Variants in NIPSNAP3A observed in about 807,000 individuals in gnomAD.
NIPSNAP3A encodes the protein nipsnap homolog 3A.
Under a neutral mutation model 32.3 loss-of-function variants are expected in NIPSNAP3A, and 27 were observed. The observed-to-expected ratio is 0.84, with a 90% CI of 0.62 to 1.15. The LOEUF is 1.15. NIPSNAP3A is among the 50% of genes most tolerant of loss of function. The pLI, the probability that NIPSNAP3A is intolerant of heterozygous loss-of-function variation, is 0.00. For synonymous variants in NIPSNAP3A, 108 were observed against 107.3 expected (o/e 1.01, Z -0.04); for missense variants, 278 against 297.2 (o/e 0.94, Z 0.48).
chr9:104,748,138 A>G (rs1474046281), intron 1 of NIPSNAP3A, among the ~76,000 whole-genome samples: 1 of 151,974 alleles, frequency 6.6e-6, no homozygotes, highest in South Asian at 2.1e-4. Context: ...CCACCGGGAC[A>G]CTCCCATGGC....
chr9:104,755,034 G>A (rs1425147653), intron 4 of NIPSNAP3A, among the ~76,000 whole-genome samples: 2 of 152,090 alleles, frequency 1.3e-5, no homozygotes, highest in African/African-American at 4.8e-5. Flanking sequence ...GAGGTCAGGA[G>A]TTCGAGACCA....
rs1827944114 is a variant in NIPSNAP3A at position 104,759,229 on chromosome 9, C to T, written c.668-33C>T. The T allele has an allele frequency of 5.6e-6, 9 of 1,613,986 alleles. No individual in the cohort carries two copies. In the East Asian group the frequency reaches 1.8e-4, roughly 32 times the overall value. On this transcript the variant is annotated intron_variant, in intron 5 of 5. Coordinates refer to ENST00000374767, the MANE Select transcript of NIPSNAP3A (RefSeq NM_015469.3). ...AGAACAAATGTGTTTCAGTCAGTAACTCTATATGCCTTTCTATGAAATGTT... is the reference window on the plus strand; with the variant it reads ...AGAACAAATGTGTTTCAGTCAGTAATTCTATATGCCTTTCTATGAAATGTT...
chr9:104,757,937 C>A (rs1023465340), intron 4 of NIPSNAP3A, among the ~76,000 whole-genome samples: 4 of 151,540 alleles, frequency 2.6e-5, no homozygotes, highest in African/African-American at 4.8e-5. Context: ...CATATATACA[C>A]AAATATAGAA....
intron 1 of NIPSNAP3A, among the ~76,000 whole-genome samples, chr9:104,748,560 G>A (rs1827806735): frequency 6.6e-6 from 1 of 152,124 alleles, no homozygotes; most frequent in Non-Finnish European, 1.5e-5. Context: ...CCTAACTTTC[G>A]GGAGTGGCCT....
At chr9:104,749,115 C>T (rs1827815960) in intron 1 of NIPSNAP3A, among the ~76,000 whole-genome samples, 1 of 152,158 alleles carries the variant, frequency 6.6e-6, no homozygotes, top group South Asian at 2.1e-4. Flanking sequence ...ACTATTTTAT[C>T]CTCCAAATAC....
chr9:104,750,842 A>G lies in NIPSNAP3A; in HGVS notation c.61-114A>G. On this transcript the variant is annotated intron_variant, in intron 1 of 5. Transcript: ENST00000374767. ...TATTGAGAATTGACAACAGAAGTAC[A>G]AACATGAGTAATGAGTCTATGAGTG... 8 of 841,542 alleles carry G rather than the reference A, an allele frequency of 9.5e-6. No individual in the cohort carries two copies. In the South Asian group the frequency reaches 9.7e-5, roughly 10 times the overall value. 52.1% of individuals were successfully genotyped at this position (841,542 alleles called of 1,614,324 possible). A position where few individuals can be genotyped will look rare whatever the true frequency, so the allele number is the denominator to read the frequency against.
At position 104,754,591 on chromosome 9, in the gene NIPSNAP3A, G is replaced by C. The variant is rs745840553; in HGVS notation, c.471G>C (p.Gly157=). ...ELATFQMKPG[G]PALWGDAFKR... ...CCACTTTTCAGATGAAACCTGGTGGGCCAGCTCTGTGGGGTGATGCATTTA... is the reference window on the plus strand; with the variant it reads ...CCACTTTTCAGATGAAACCTGGTGGCCCAGCTCTGTGGGGTGATGCATTTA... Residue 157 remains glycine, a synonymous_variant, in exon 4 of 6, where the codon GGG becomes GGC. Coordinates refer to ENST00000374767, the MANE Select transcript of NIPSNAP3A (RefSeq NM_015469.3). 6 of 1,614,070 alleles carry C rather than the reference G, an allele frequency of 3.7e-6. No individual in the cohort carries two copies. Among genetic ancestry groups the C allele is most frequent in the Non-Finnish European group, 5.1e-6 (6 of 1,179,980 alleles).
At chr9:104,756,100 A>T (rs1447841597) in intron 4 of NIPSNAP3A, among the ~76,000 whole-genome samples, 2 of 152,224 alleles carry the variant, frequency 1.3e-5, no homozygotes, top group Non-Finnish European at 2.9e-5. Context: ...TATCATAAGA[A>T]AATAGAATAT....
Position 104,753,005 on chromosome 9 carries a change from A to G in NIPSNAP3A, c.371A>G (p.Gln124Arg), listed in dbSNP as rs1392073711. The G allele has an allele frequency of 3.1e-6, 5 of 1,610,712 alleles. No individual in the cohort carries two copies. Among genetic ancestry groups the G allele is most frequent in the Non-Finnish European group, 4.2e-6 (5 of 1,177,168 alleles). ...CCAAATTTGGCTCTCATTGATAAAC[A>G]AGAGAGTGAGATTACTTATCTGGTA... is the stretch of plus-strand genomic sequence containing the variant. ...LIPNLALIDK[Q>R]ESEITYLVPW... The change falls in exon 3 of 6, where the codon CAA becomes CGA. Residue 124 changes from glutamine (Q) to arginine (R), a missense_variant. By Grantham distance (43) the Gln-to-Arg change is conservative (BLOSUM62 1). Transcript: ENST00000374767.
In NIPSNAP3A at chr9:104,759,668, T is replaced by C. The variant is rs1226121339; in HGVS notation, c.*330T>C. The C allele has an allele frequency of 4.5e-6, 1 of 223,580 alleles. No homozygotes were observed. The highest frequency in any genetic ancestry group is 2.3e-5 in the African/African-American group (1 of 43,596). The allele number at this position is 223,580 out of a possible 1,614,324, so 13.8% of individuals were successfully genotyped here. ...TTTATAGCATTTTGTTGTATTCAAA[T>C]GATAATGGTAGCATTTCCATGCTTG... On this transcript the variant is annotated 3_prime_UTR_variant, in exon 6 of 6. Coordinates refer to ENST00000374767, the MANE Select transcript of NIPSNAP3A (RefSeq NM_015469.3).
In NIPSNAP3A at chr9:104,752,973, C is replaced by A. The variant is rs754638247; in HGVS notation, c.339C>A (p.Phe113Leu). The A allele has an allele frequency of 6.2e-7, 1 of 1,612,944 alleles. No individual in the cohort carries two copies. The highest frequency in any genetic ancestry group is 1.1e-5 in the South Asian group (1 of 91,046). The change falls in exon 3 of 6, where the codon TTC (phenylalanine) becomes TTA (leucine). Residue 113 changes from phenylalanine (F) to leucine (L), a missense_variant. Phe to Leu is a conservative substitution (Grantham distance 22, BLOSUM62 0). Coordinates refer to ENST00000374767, the MANE Select transcript of NIPSNAP3A (RefSeq NM_015469.3). The part of the protein sequence containing the change: ...LAKDKEWQEQ[F>L]LIPNLALIDK... Reference sequence around the variant, plus strand: ...AAGATAAGGAATGGCAAGAACAATTCCTCATTCCAAATTTGGCTCTCATTG... The same window carrying A: ...AAGATAAGGAATGGCAAGAACAATTACTCATTCCAAATTTGGCTCTCATTG...
chr9:104,758,648 CTA>C (rs905126524), intron 4 of NIPSNAP3A, among the ~76,000 whole-genome samples: 1 of 151,994 alleles, frequency 6.6e-6, no homozygotes, highest in African/African-American at 2.4e-5. Context: ...TTTGATATCA[CTA>C]TTTCGATTTA....
At chr9:104,756,259 A>G (rs1827905313) in intron 4 of NIPSNAP3A, among the ~76,000 whole-genome samples, 1 of 152,204 alleles carries the variant, frequency 6.6e-6, no homozygotes, top group Admixed American at 6.5e-5. Context: ...TAAAATTGGT[A>G]AAACAAAATG....
Position 104,747,741 on chromosome 9 carries a change from G to T in NIPSNAP3A, c.-52G>T, listed in dbSNP as rs983352576. The T allele has an allele frequency of 2.1e-5, 32 of 1,542,524 alleles. No individual in the cohort carries two copies. The highest frequency in any genetic ancestry group is 2.8e-5 in the Non-Finnish European group (32 of 1,129,382). On this transcript the variant is annotated 5_prime_UTR_variant, in exon 1 of 6. Coordinates refer to ENST00000374767, the MANE Select transcript of NIPSNAP3A (RefSeq NM_015469.3). ...CTTTCCACTCGGGAAACCTTCAGAG[G>T]AGTCTCAGAAAGGACACGGCTGGCT...
At chr9:104,759,022 T>G in intron 4 of NIPSNAP3A, 63 bp from the exon 5 acceptor site, 1 of 1,403,550 alleles carries the variant, frequency 7.1e-7, no homozygotes, top group Non-Finnish European at 9.9e-7. Context: ...GATTCATTTT[T>G]CTGTTATTTC....
Position 104,759,101 on chromosome 9 carries a change from G to T in NIPSNAP3A, c.597G>T (p.Trp199Cys). Residue 199 changes from tryptophan (W) to cysteine (C), a missense_variant, in exon 5 of 6, where the codon TGG becomes TGT. By Grantham distance (215) the Trp-to-Cys change is radical. Transcript: ENST00000374767. ...TTTCTGCAGTTCATGTTCTTTGGTG[G>T]AATGAGAGTGCAGATAGTCGTGCAG... Reference protein sequence around the residue: ...GALNRVHVLWWNESADSRAAG... With the variant: ...GALNRVHVLWCNESADSRAAG... 6.2e-7 allele frequency: 1 copy of T among 1,612,252 alleles called. No individual in the cohort carries two copies. Among genetic ancestry groups the T allele is most frequent in the Non-Finnish European group, 8.5e-7 (1 of 1,179,140 alleles).
Position 104,747,969 on chromosome 9 carries a change from C to A in NIPSNAP3A, c.60+117C>A, listed in dbSNP as rs1439825536. The A allele has an allele frequency of 1.9e-5, 20 of 1,069,622 alleles. No individual in the cohort carries two copies. The Admixed American group carries it at 4.7e-4, about 25-fold the overall frequency. 66.3% of individuals were successfully genotyped at this position (1,069,622 alleles called of 1,614,324 possible). On this transcript the variant is annotated intron_variant, in intron 1 of 5. Transcript: ENST00000374767. Reference sequence around the variant, plus strand: ...CGCTCTCCGCCACGCGCGCCCAGACCTGGGGCCCCGGTGAGGTTCTAGCGT... The same window carrying A: ...CGCTCTCCGCCACGCGCGCCCAGACATGGGGCCCCGGTGAGGTTCTAGCGT...
At position 104,759,896 on chromosome 9, in the gene NIPSNAP3A, G is replaced by GT. The variant is rs2118764182; in HGVS notation, c.*560dup. 1 of 152,488 alleles carries GT rather than the reference G, an allele frequency of 6.6e-6. No individual in the cohort carries two copies. Among genetic ancestry groups the GT allele is most frequent in the Non-Finnish European group, 1.5e-5 (1 of 68,192 alleles). 9.4% of individuals were successfully genotyped at this position (152,488 alleles called of 1,614,324 possible). On this transcript the variant is annotated 3_prime_UTR_variant, in exon 6 of 6. Coordinates refer to ENST00000374767, the MANE Select transcript of NIPSNAP3A (RefSeq NM_015469.3). ...TATATTAAATATGGTTTTCACATTA[G>GT]TTATTTGTCACTTACTTGGAAAATG...
chr9:104,759,430 T>C lies in NIPSNAP3A; in HGVS notation c.*92T>C, dbSNP rs796920583. 7 of 1,278,666 alleles carry C rather than the reference T, an allele frequency of 5.5e-6. No homozygotes were observed. The African/African-American group carries it at 1.0e-4, about 19-fold the overall frequency. The allele number at this position is 1,278,666 out of a possible 1,614,324, so 79.2% of individuals were successfully genotyped here. Reference sequence around the variant, plus strand: ...TCTCCCAAGAGGTTCTCACTTTTATTTGAAGGAGGTGTTAAGTTAATTTGC... The same window carrying C: ...TCTCCCAAGAGGTTCTCACTTTTATCTGAAGGAGGTGTTAAGTTAATTTGC... On this transcript the variant is annotated 3_prime_UTR_variant, in exon 6 of 6. Transcript: ENST00000374767.
Sources: gnomAD v4.1 joint callset for allele counts (sites outside exome capture counted in the v4.1 genomes callset) on GRCh38, gnomAD v4.1.1 for gene constraint, MANE v1.5 for transcripts, NCBI Gene and HGNC (gene_info 2026-07-23, HGNC 2026-07-21) for gene names.